Variants in SLC24A3 observed in about 807,000 individuals in gnomAD.
SLC24A3 encodes solute carrier family 24 member 3.
In SLC24A3, 28 loss-of-function variants were observed where a neutral mutation model predicts 75.8. The observed-to-expected ratio is 0.37, with a 90% CI of 0.27 to 0.51. The LOEUF (loss-of-function observed/expected upper bound fraction) is 0.51. Ranked by LOEUF, SLC24A3 falls within the 20% of genes least tolerant of loss-of-function variation. The pLI is 0.94. For synonymous variants in SLC24A3, 372 were observed against 334.1 expected, an observed-to-expected ratio of 1.11 and a Z score of -1.24; for missense variants, 663 against 847.8, an observed-to-expected ratio of 0.78 and a Z score of 2.71.
chr20:19,212,900 A>C lies in SLC24A3; in HGVS notation c.58A>C (p.Arg20=). The part of the protein sequence containing the change: ...ARRRRRRRRR[R]DLLLSQLCFL... ...TCGCCGCCGCCGCCGCCGCCGCCGGAGGGACCTTCTGCTGAGCCAGCTCTG... is the reference window on the plus strand; with the variant it reads ...TCGCCGCCGCCGCCGCCGCCGCCGGCGGGACCTTCTGCTGAGCCAGCTCTG... The change falls in exon 1 of 17, where the codon AGG becomes CGG. Residue 20 remains arginine, a synonymous_variant. Transcript: ENST00000328041. 1.5e-6 allele frequency: 2 copies of C among 1,328,796 alleles called. No homozygotes were observed. The highest frequency in any genetic ancestry group is 9.7e-7 in the Non-Finnish European group (1 of 1,035,162). 82.3% of individuals were successfully genotyped at this position (1,328,796 alleles called of 1,614,324 possible).
intron 6 of SLC24A3, among the ~76,000 whole-genome samples, chr20:19,638,425 A>T (rs2032027247): frequency 1.3e-5 from 2 of 152,206 alleles, no homozygotes; most frequent in Admixed American, 6.5e-5. Flanking sequence ...TTAATTTCAT[A>T]ATATGTGCAA....
chr20:19,281,909 A>T (rs1262225666), intron 2 of SLC24A3, among the ~76,000 whole-genome samples: 1 of 152,150 alleles, frequency 6.6e-6, no homozygotes, highest in Non-Finnish European at 1.5e-5. Context: ...AGGCGGTGGG[A>T]TGGAGTAGGT....
intron 1 of SLC24A3, among the ~76,000 whole-genome samples, chr20:19,266,404 T>C (rs570840229): frequency 2.9e-4 from 44 of 152,344 alleles, no homozygotes; most frequent in South Asian, 6.2e-4. Context: ...CTGTATTTCT[T>C]TTCCCTCTGC....
rs1182194223 is a variant in SLC24A3 at position 19,681,164 on chromosome 20, C to T, written c.768-694C>T. On this transcript the variant is annotated intron_variant, in intron 9 of 16. Coordinates refer to ENST00000328041, the MANE Select transcript of SLC24A3 (RefSeq NM_020689.4). ...TTGTACAAGCTTCTTCCCTTCCCAC[C>T]TCAGCCTGCTGGGGCATCTAAGGAA... Among the ~76,000 whole-genome samples, 7 of 152,352 alleles carry T rather than the reference C, an allele frequency of 4.6e-5. No homozygotes were observed. In the East Asian group the frequency reaches 5.8e-4, roughly 13 times the overall value.
chr20:19,711,355 C>T (rs1177443942), intron 15 of SLC24A3, among the ~76,000 whole-genome samples: 1 of 151,502 alleles, frequency 6.6e-6, no homozygotes, highest in East Asian at 1.9e-4. Context: ...ATACCACACA[C>T]ATGCATGCAC....
intron 13 of SLC24A3, among the ~76,000 whole-genome samples, chr20:19,695,926 G>A (rs1600345308): frequency 6.6e-6 from 1 of 151,746 alleles, no homozygotes; most frequent in Non-Finnish European, 1.5e-5. Flanking sequence ...TAGTGAAGAA[G>A]ATGTTGACAA....
At chr20:19,407,167 T>G (rs1469165888) in intron 2 of SLC24A3, among the ~76,000 whole-genome samples, 1 of 152,206 alleles carries the variant, frequency 6.6e-6, no homozygotes, top group Non-Finnish European at 1.5e-5. Context: ...CCAGAGACGA[T>G]GGAGGCATCC....
chr20:19,551,011 T>G (rs912447940), intron 3 of SLC24A3, among the ~76,000 whole-genome samples: 2 of 152,370 alleles, frequency 1.3e-5, no homozygotes, highest in Non-Finnish European at 2.9e-5. Context: ...GCGTGCTGTT[T>G]GGCCACAGGG....
chr20:19,428,136 C>T (rs1319303535), intron 2 of SLC24A3, among the ~76,000 whole-genome samples: 2 of 152,144 alleles, frequency 1.3e-5, no homozygotes, highest in African/African-American at 4.8e-5. Flanking sequence ...ATTCCTCAGC[C>T]GTCTCTCCAT....
intron 15 of SLC24A3, among the ~76,000 whole-genome samples, chr20:19,711,797 G>A (rs549373443): frequency 6.6e-6 from 1 of 152,222 alleles, no homozygotes; most frequent in South Asian, 2.1e-4. Context: ...GCATCGCCAT[G>A]CCCAGCTAAT....
rs978435496 is a variant in SLC24A3 at position 19,229,232 on chromosome 20, AT to A, written c.142+16255del. ...TTTCTCAGTACTAACGTATATGTTT[AT>A]TTTTTTCATTGATAAAATCTGACTG... On this transcript the variant is annotated intron_variant, in intron 1 of 16. Transcript: ENST00000328041. Among the ~76,000 whole-genome samples the A allele has an allele frequency of 1.2e-3, 187 of 151,900 alleles. 6 individuals are homozygous for A. Among genetic ancestry groups the A allele is most frequent in the Non-Finnish European group, 3.8e-4 (26 of 67,930 alleles).
At chr20:19,712,169 T>A (rs2032999777) in intron 15 of SLC24A3, among the ~76,000 whole-genome samples, 1 of 152,050 alleles carries the variant, frequency 6.6e-6, no homozygotes, top group Admixed American at 6.5e-5. Context: ...CAGGCTGGTC[T>A]TTAACTCCTA....
intron 2 of SLC24A3, among the ~76,000 whole-genome samples, chr20:19,490,995 A>G (rs1456057463): frequency 2.0e-5 from 3 of 152,236 alleles, no homozygotes; most frequent in African/African-American, 7.2e-5. Flanking sequence ...TAATTTATTC[A>G]TATTTTAAAA....
At chr20:19,611,774 C>G (rs2031673537) in intron 6 of SLC24A3, among the ~76,000 whole-genome samples, 1 of 152,158 alleles carries the variant, frequency 6.6e-6, no homozygotes, top group African/African-American at 2.4e-5. Context: ...GGGCTGTGTC[C>G]CTTTGCTTCA....
chr20:19,567,849 C>G (rs1439710812), intron 3 of SLC24A3, among the ~76,000 whole-genome samples: 1 of 152,092 alleles, frequency 6.6e-6, no homozygotes, highest in Non-Finnish European at 1.5e-5. Flanking sequence ...AAAGGCAACT[C>G]ACAGAATGGG....
chr20:19,313,028 C>CT (rs747623530), intron 2 of SLC24A3, among the ~76,000 whole-genome samples: 1,570 of 68,300 alleles, frequency 0.023, 232 homozygotes, highest in Non-Finnish European at 0.029. Context: ...TTTTCTCTTG[C>CT]TTTTTTTTTT....
chr20:19,679,901 T>G (rs1487340909), intron 9 of SLC24A3, among the ~76,000 whole-genome samples: 3 of 152,164 alleles, frequency 2.0e-5, no homozygotes, highest in African/African-American at 7.2e-5. Context: ...CACTTTGTTC[T>G]TTAATGAAGT....
intron 2 of SLC24A3, among the ~76,000 whole-genome samples, chr20:19,453,050 G>A (rs1782987075): frequency 1.3e-5 from 2 of 152,138 alleles, no homozygotes. Flanking sequence ...GCGTGGTGGC[G>A]GGCGCCTGTA....
At chr20:19,311,120 G>T (rs16980339) in intron 2 of SLC24A3, among the ~76,000 whole-genome samples, 1 of 148,312 alleles carries the variant, frequency 6.7e-6, no homozygotes, top group African/African-American at 2.5e-5. Context: ...TCTTCCTTTA[G>T]TGGAGAAGCA....
Sources: allele counts gnomAD v4.1 joint callset (sites outside exome capture counted in the v4.1 genomes callset), GRCh38; gene constraint gnomAD v4.1.1; transcripts MANE v1.5; gene names NCBI Gene and HGNC (gene_info 2026-07-23, HGNC 2026-07-21).